The following VWC2 variants were observed in gnomAD, a reference collection of about 807,000 sequenced individuals.
The protein encoded by VWC2 is brorin.
VWC2 carries 14 observed loss-of-function variants against 29.8 expected under a neutral mutation model. That is an observed-to-expected ratio of 0.47 (90% CI 0.31 to 0.74). The LOEUF is 0.74. Among genes scored for constraint, VWC2 ranks in the 30% least tolerant of loss-of-function variants. The pLI, the probability that VWC2 is intolerant of heterozygous loss-of-function variation, is 0.05. For synonymous variants in VWC2, 213 were observed against 199.0 expected (o/e 1.07, Z -0.59); for missense variants, 457 against 459.8 (o/e 0.99, Z 0.05).
chr7:49,775,381 G>T lies in VWC2; in HGVS notation c.-55G>T, dbSNP rs925153928. On this transcript the variant is annotated 5_prime_UTR_variant, in exon 2 of 4. Transcript: ENST00000340652. ...CGGCGCGCCCCCGGGCTGTGAATGCGACTCGCCCCTCGGCCGCGCTCCCCG... is the reference window on the plus strand; with the variant it reads ...CGGCGCGCCCCCGGGCTGTGAATGCTACTCGCCCCTCGGCCGCGCTCCCCG... 2.3e-6 allele frequency: 3 copies of T among 1,314,112 alleles called. No homozygotes were observed. Among genetic ancestry groups the T allele is most frequent in the South Asian group, 4.1e-5 (2 of 48,610 alleles). The allele number at this position is 1,314,112 out of a possible 1,614,324, so 81.4% of individuals were successfully genotyped here.
At position 49,775,378 on chromosome 7, in the gene VWC2, T is replaced by A; in HGVS notation, c.-58T>A. The A allele has an allele frequency of 7.7e-7, 1 of 1,304,350 alleles. No homozygotes were observed. Among genetic ancestry groups the A allele is most frequent in the Non-Finnish European group, 9.8e-7 (1 of 1,025,632 alleles). The allele number at this position is 1,304,350 out of a possible 1,614,324, so 80.8% of individuals were successfully genotyped here. ...CGGCGGCGCGCCCCCGGGCTGTGAATGCGACTCGCCCCTCGGCCGCGCTCC... is the reference window on the plus strand; with the variant it reads ...CGGCGGCGCGCCCCCGGGCTGTGAAAGCGACTCGCCCCTCGGCCGCGCTCC... On this transcript the variant is annotated 5_prime_UTR_variant, in exon 2 of 4. An upstream start codon of the reference 5' UTR is lost. Transcript: ENST00000340652.
intron 3 of VWC2, among the ~76,000 whole-genome samples, chr7:49,813,053 C>T (rs774394545): frequency 6.6e-6 from 1 of 152,172 alleles, no homozygotes; most frequent in Non-Finnish European, 1.5e-5. Flanking sequence ...TCCAACTCCC[C>T]ACATGTCCCG....
chr7:49,878,064 T>C (rs1791517219), intron 3 of VWC2, among the ~76,000 whole-genome samples: 1 of 152,132 alleles, frequency 6.6e-6, no homozygotes, highest in Non-Finnish European at 1.5e-5. Context: ...TCTGGCTTTT[T>C]TCAGTGACCG....
chr7:49,855,869 A>T (rs1328073432), intron 3 of VWC2, among the ~76,000 whole-genome samples: 1 of 152,050 alleles, frequency 6.6e-6, no homozygotes, highest in South Asian at 2.1e-4. Context: ...ATTCCCAGGG[A>T]TTTGGTGAGA....
intron 2 of VWC2, among the ~76,000 whole-genome samples, chr7:49,788,644 TGA>T (rs1374166440): frequency 1.3e-5 from 2 of 148,592 alleles, no homozygotes; most frequent in East Asian, 2.0e-4. Context: ...TGTGTGGGTG[TGA>T]GTGTGGATGT....
In VWC2 at chr7:49,914,859, A is replaced by T. The variant is rs1388772240; in HGVS notation, c.*2674A>T. 3 of 152,208 alleles carry T rather than the reference A, an allele frequency of 2.0e-5. No homozygotes were observed. Among genetic ancestry groups the T allele is most frequent in the Non-Finnish European group, 4.4e-5 (3 of 68,038 alleles). The allele number at this position is 152,208 out of a possible 1,614,324, so 9.4% of individuals were successfully genotyped here. A position where few individuals can be genotyped will look rare whatever the true frequency, so the allele number is the denominator to read the frequency against. ...ATAGCACAGAAAAGGGGGCCTCAGA[A>T]TTCAAGTATAGAAGTTCTGGAAAAG... is the stretch of plus-strand genomic sequence containing the variant. On this transcript the variant is annotated 3_prime_UTR_variant, in exon 4 of 4. Coordinates refer to ENST00000340652, the MANE Select transcript of VWC2 (RefSeq NM_198570.5).
At chr7:49,804,033 T>C (rs1427212020) in intron 3 of VWC2, among the ~76,000 whole-genome samples, 1 of 152,144 alleles carries the variant, frequency 6.6e-6, no homozygotes, top group Non-Finnish European at 1.5e-5. Flanking sequence ...GTGGACAGTG[T>C]TAAAACAAAG....
chr7:49,779,159 G>T (rs967089359), intron 2 of VWC2, among the ~76,000 whole-genome samples: 1 of 152,204 alleles, frequency 6.6e-6, no homozygotes, highest in Non-Finnish European at 1.5e-5. Context: ...CTTGTGATGT[G>T]CAGGGTATTT....
At chr7:49,880,673 G>A (rs573385207) in intron 3 of VWC2, among the ~76,000 whole-genome samples, 1 of 151,994 alleles carries the variant, frequency 6.6e-6, no homozygotes, top group East Asian at 1.9e-4. Flanking sequence ...CACACACCGG[G>A]GCCTGTTGTG....
intron 3 of VWC2, among the ~76,000 whole-genome samples, chr7:49,891,381 T>C (rs1262844187): frequency 2.6e-5 from 4 of 152,162 alleles, no homozygotes; most frequent in Non-Finnish European, 5.9e-5. Context: ...ATTCCATAAT[T>C]ATAATTGGAA....
intron 3 of VWC2, among the ~76,000 whole-genome samples, chr7:49,877,198 A>T (rs1186047394): frequency 2.6e-5 from 4 of 151,934 alleles, no homozygotes; most frequent in African/African-American, 9.7e-5. Flanking sequence ...GTAATGGCTC[A>T]TGCCTGTAAT....
chr7:49,880,095 C>A (rs982309418), intron 3 of VWC2, among the ~76,000 whole-genome samples: 1 of 152,072 alleles, frequency 6.6e-6, no homozygotes, highest in Non-Finnish European at 1.5e-5. Flanking sequence ...ATAATAACTC[C>A]CGTTAGATTT....
chr7:49,855,827 G>A (rs947672962), intron 3 of VWC2, among the ~76,000 whole-genome samples: 1 of 152,118 alleles, frequency 6.6e-6, no homozygotes, highest in African/African-American at 2.4e-5. Context: ...GACGGTGCAC[G>A]TTAATTCCCA....
At chr7:49,781,258 T>A (rs993987290) in intron 2 of VWC2, among the ~76,000 whole-genome samples, 1 of 152,214 alleles carries the variant, frequency 6.6e-6, no homozygotes, top group Non-Finnish European at 1.5e-5. Flanking sequence ...CTTTTTTTTT[T>A]AAAGAGGGAG....
At chr7:49,777,726 G>A (rs1211334910) in intron 2 of VWC2, among the ~76,000 whole-genome samples, 2 of 152,156 alleles carry the variant, frequency 1.3e-5, no homozygotes, top group African/African-American at 2.4e-5. Flanking sequence ...CTGCCTACGG[G>A]AGGGTCTGGT....
At position 49,775,401 on chromosome 7, in the gene VWC2, T is replaced by TCCCCC; in HGVS notation, c.-31_-30insCCCCC. ...AATGCGACTCGCCCCTCGGCCGCGCTCCCCGCCCGCCCGCCCGCCGGGACG... is the reference window on the plus strand; with the variant it reads ...AATGCGACTCGCCCCTCGGCCGCGCTCCCCCCCCCGCCCGCCCGCCCGCCGGGACG... On this transcript the variant is annotated 5_prime_UTR_variant, in exon 2 of 4. It removes the in-frame stop codon of an upstream open reading frame in the 5' UTR. Transcript: ENST00000340652. 9.3e-7 allele frequency: 1 copy of TCCCCC among 1,072,738 alleles called. No homozygotes were observed. Among genetic ancestry groups the TCCCCC allele is most frequent in the Non-Finnish European group, 1.2e-6 (1 of 829,162 alleles). 66.5% of individuals were successfully genotyped at this position (1,072,738 alleles called of 1,614,324 possible). A position where few individuals can be genotyped will look rare whatever the true frequency, so the allele number is the denominator to read the frequency against.
intron 3 of VWC2, among the ~76,000 whole-genome samples, chr7:49,897,005 C>T (rs1239805199): frequency 6.6e-6 from 1 of 151,216 alleles, no homozygotes; most frequent in Non-Finnish European, 1.5e-5. Flanking sequence ...ACGCCATTCT[C>T]CTGCCTCAGC....
intron 3 of VWC2, among the ~76,000 whole-genome samples, chr7:49,839,490 T>G (rs996467851): frequency 7.9e-5 from 12 of 152,334 alleles, no homozygotes; most frequent in Middle Eastern, 3.4e-3. Flanking sequence ...CTGAATGATG[T>G]TTCACATTCT....
intron 2 of VWC2, among the ~76,000 whole-genome samples, chr7:49,800,547 G>T (rs1788713682): frequency 6.6e-6 from 1 of 152,064 alleles, no homozygotes; most frequent in Admixed American, 6.5e-5. Flanking sequence ...GGGGGATGGT[G>T]CTCCCCTCCC....
Sources: allele counts gnomAD v4.1 joint callset (sites outside exome capture counted in the v4.1 genomes callset), GRCh38; gene constraint gnomAD v4.1.1; transcripts MANE v1.5; gene names NCBI Gene and HGNC (gene_info 2026-07-23, HGNC 2026-07-21).